The following POLE2 variants were observed in gnomAD, a reference collection of about 807,000 sequenced individuals.
The protein encoded by POLE2 is DNA polymerase epsilon 2, accessory subunit.
POLE2 carries 56 observed loss-of-function variants against 79.4 expected under a neutral mutation model. The observed-to-expected ratio is 0.71, with a 90% CI of 0.57 to 0.88. The LOEUF is 0.88. POLE2 is among the 40% of genes least tolerant of loss of function. The pLI is 0.00. For missense variants in POLE2, 598 were observed against 638.9 expected (o/e 0.94, Z 0.69); for synonymous variants, 212 against 214.0 (o/e 0.99, Z 0.08).
At position 49,663,407 on chromosome 14, in the gene POLE2, C is replaced by G. The variant is rs762940392; in HGVS notation, c.683-20G>C. 1 of 1,563,454 alleles carries G rather than the reference C, an allele frequency of 6.4e-7. No homozygotes were observed. Among genetic ancestry groups the G allele is most frequent in the Non-Finnish European group, 8.8e-7 (1 of 1,138,232 alleles). ...ACCAACCTGAAAAAAAGTAACGTCA[C>G]TTTCATTTGTCTAATCCTCTATGTT... On this transcript the variant is annotated intron_variant, in intron 9 of 18. Transcript: ENST00000216367.
rs771253598 is a variant in POLE2 at position 49,658,957 on chromosome 14, C to T, written c.756-3114G>A. On this transcript the variant is annotated intron_variant, in intron 10 of 18. Transcript: ENST00000216367. ...CCTTCAGGAGGTCCTTCAAGAAGAA[C>T]GCATTGTTACTACAGATGGCAGCTC... Among the ~76,000 whole-genome samples, 15 of 152,024 alleles carry T rather than the reference C, an allele frequency of 9.9e-5. No homozygotes were observed. In the South Asian group the frequency reaches 1.9e-3, roughly 19 times the overall value.
chr14:49,669,681 C>A, intron 5 of POLE2, 83 bp from the exon 6 acceptor site: 1 of 736,852 alleles, frequency 1.4e-6, no homozygotes, highest in Non-Finnish European at 2.4e-6. Context: ...TGATGAAACA[C>A]TGTCCTTAAA....
chr14:49,657,746 T>A (rs1884800226), intron 10 of POLE2, among the ~76,000 whole-genome samples: 1 of 152,174 alleles, frequency 6.6e-6, no homozygotes, highest in African/African-American at 2.4e-5. Flanking sequence ...AGCCAGTTGA[T>A]TCTTGTTATT....
At position 49,665,098 on chromosome 14, in the gene POLE2, GA is replaced by G; in HGVS notation, c.633+8del. 1 of 1,247,044 alleles carries G rather than the reference GA, an allele frequency of 8.0e-7. No individual in the cohort carries two copies. The highest frequency in any genetic ancestry group is 1.2e-6 in the Non-Finnish European group (1 of 856,824). 77.2% of individuals were successfully genotyped at this position (1,247,044 alleles called of 1,614,324 possible). On this transcript the variant is annotated splice_region_variant and intron_variant, in intron 8 of 18. Coordinates refer to ENST00000216367, the MANE Select transcript of POLE2 (RefSeq NM_002692.4). Reference sequence around the variant, plus strand: ...CAGATTTTAAAAAATACAGACAAGTGAAGGATATAGCTTTACTAAGGTCTAG... The same window carrying G: ...CAGATTTTAAAAAATACAGACAAGTGAGGATATAGCTTTACTAAGGTCTAG...
chr14:49,649,480 C>T lies in POLE2; in HGVS notation c.1497+785G>A, dbSNP rs372842540. 5.1e-4 allele frequency among the ~76,000 whole-genome samples: 75 copies of T among 148,378 alleles called. 1 individual carries two copies. Among genetic ancestry groups the T allele is most frequent in the East Asian group, 2.8e-3 (14 of 5,002 alleles). On this transcript the variant is annotated intron_variant, in intron 17 of 18. Transcript: ENST00000216367. The stretch of plus-strand genomic sequence containing the variant: ...TTTCTTTTTTTTTGAGATGGAGTCT[C>T]GCTCTGTCGCCCAGGCTGGAGTGCA...
Position 49,687,300 on chromosome 14 carries a change from CCACACACACACA to C in POLE2, c.68+824_68+835del, listed in dbSNP as rs60811856. 1.5e-3 allele frequency among the ~76,000 whole-genome samples: 214 copies of C among 139,830 alleles called. 1 individual carries two copies. The highest frequency in any genetic ancestry group is 4.5e-3 in the African/African-American group (170 of 37,510). 91.7% of individuals were successfully genotyped at this position (139,830 alleles called of 152,430 possible). Reference sequence around the variant, plus strand: ...ATACATATATATATATACACACACACCACACACACACACACACACACACACACACACACACAC... The same window carrying C: ...ATACATATATATATATACACACACACCACACACACACACACACACACACAC... On this transcript the variant is annotated intron_variant, in intron 1 of 18. Coordinates refer to ENST00000216367, the MANE Select transcript of POLE2 (RefSeq NM_002692.4).
intron 17 of POLE2, among the ~76,000 whole-genome samples, chr14:49,649,555 T>C (rs561173318): frequency 2.6e-5 from 4 of 151,928 alleles, no homozygotes; most frequent in African/African-American, 9.7e-5. Context: ...GTTCAAGCAA[T>C]TCTCCTGCCT....
intron 17 of POLE2, among the ~76,000 whole-genome samples, chr14:49,649,271 C>T (rs1042246771): frequency 6.7e-5 from 10 of 150,118 alleles, no homozygotes; most frequent in Admixed American, 4.0e-4. Flanking sequence ...CTCAGCCTCC[C>T]GAGTAGCTGG....
intron 3 of POLE2, among the ~76,000 whole-genome samples, chr14:49,676,041 C>T (rs565911390): frequency 1.7e-4 from 26 of 152,222 alleles, no homozygotes; most frequent in Admixed American, 3.9e-4. Context: ...CCTGAGCCAC[C>T]GCGCCCTGCC....
intron 9 of POLE2, 45 bp from the exon 10 acceptor site, chr14:49,663,432 T>G: frequency 2.3e-6 from 3 of 1,306,970 alleles, no homozygotes; most frequent in Non-Finnish European, 3.3e-6. Context: ...TCCTCTATGT[T>G]TGAAAGGACA....
chr14:49,665,278 A>C (rs1325651107), intron 7 of POLE2, 115 bp from the exon 8 acceptor site: 1 of 620,178 alleles, frequency 1.6e-6, no homozygotes, highest in Non-Finnish European at 2.9e-6. Context: ...GGATTTTAAA[A>C]ATCAGCTATT....
chr14:49,647,382 G>GT, intron 17 of POLE2, 22 bp from the exon 18 acceptor site: 1 of 1,278,942 alleles, frequency 7.8e-7, no homozygotes, highest in Non-Finnish European at 1.1e-6. Context: ...AAAAATGCCT[G>GT]TAAGTGAATG....
At chr14:49,662,976 G>A (rs1005696917) in intron 10 of POLE2, among the ~76,000 whole-genome samples, 1 of 152,168 alleles carries the variant, frequency 6.6e-6, no homozygotes, top group African/African-American at 2.4e-5. Context: ...ATATAAAAAT[G>A]AGAATTTTAT....
intron 9 of POLE2, 98 bp downstream of exon 9, chr14:49,664,528 T>C (rs1340514786): frequency 3.7e-6 from 3 of 800,924 alleles, no homozygotes; most frequent in Non-Finnish European, 6.6e-6. Context: ...TTCTAATTAA[T>C]GGTATCCCAA....
Position 49,655,087 on chromosome 14 carries a change from T to C in POLE2, c.936A>G (p.Ser312=). The C allele has an allele frequency of 6.6e-7, 1 of 1,517,250 alleles. No individual in the cohort carries two copies. 94.0% of individuals were successfully genotyped at this position (1,517,250 alleles called of 1,614,324 possible). A position where few individuals can be genotyped will look rare whatever the true frequency, so the allele number is the denominator to read the frequency against. Residue 312 remains serine (S), a synonymous_variant, in exon 12 of 19, where the codon TCA becomes TCG. Coordinates refer to ENST00000216367, the MANE Select transcript of POLE2 (RefSeq NM_002692.4). ...EKLRIMFAGY[S]PAPPTCFILC... Reference sequence around the variant, plus strand: ...GAATAAAGCAGGTTGGAGGTGCTGGTGAATAACCTAAACAATAAAAGAGTA... The same window carrying C: ...GAATAAAGCAGGTTGGAGGTGCTGGCGAATAACCTAAACAATAAAAGAGTA...
intron 18 of POLE2, among the ~76,000 whole-genome samples, chr14:49,645,376 A>T (rs948489879): frequency 6.6e-6 from 1 of 152,250 alleles, no homozygotes; most frequent in Non-Finnish European, 1.5e-5. Flanking sequence ...TTTCACAAAT[A>T]TTCTAACAGA....
chr14:49,679,896 A>T, intron 2 of POLE2, 96 bp from the exon 3 acceptor site: 1 of 683,774 alleles, frequency 1.5e-6, no homozygotes, highest in Non-Finnish European at 2.6e-6. Context: ...TGCAAATATT[A>T]ATACTGAGAT....
At chr14:49,674,846 G>T (rs1886150473) in intron 3 of POLE2, among the ~76,000 whole-genome samples, 1 of 152,078 alleles carries the variant, frequency 6.6e-6, no homozygotes, top group African/African-American at 2.4e-5. Flanking sequence ...GATTACAGAT[G>T]TGAGCCACCA....
At chr14:49,662,645 G>C (rs186726550) in intron 10 of POLE2, among the ~76,000 whole-genome samples, 14 of 152,342 alleles carry the variant, frequency 9.2e-5, no homozygotes, top group Admixed American at 9.2e-4. Context: ...GCTCTGTATT[G>C]CCAGATCCTC....
Sources: gnomAD v4.1 joint callset for allele counts (sites outside exome capture counted in the v4.1 genomes callset) on GRCh38, gnomAD v4.1.1 for gene constraint, MANE v1.5 for transcripts, NCBI Gene and HGNC (gene_info 2026-07-23, HGNC 2026-07-21) for gene names.